The following KHDC1 variants were observed in gnomAD, a reference collection of about 807,000 sequenced individuals.
The protein encoded by KHDC1 is KH homology domain-containing protein 1.
A neutral mutation model predicts 24.7 loss-of-function variants in KHDC1; 21 were observed. The observed-to-expected ratio is 0.85, with a 90% CI of 0.60 to 1.23. KHDC1 has a LOEUF of 1.23. Ranked by LOEUF, KHDC1 falls within the 50% of genes most tolerant of loss-of-function variation. The pLI is 0.00. For synonymous variants in KHDC1, 98 were observed against 111.7 expected, an observed-to-expected ratio of 0.88 and a Z score of 0.77; for missense variants, 274 against 298.5, an observed-to-expected ratio of 0.92 and a Z score of 0.61.
chr6:73,298,952 G>A (rs747838605), intron 1 of KHDC1: 3 of 152,206 alleles, frequency 2.0e-5, no homozygotes, highest in Non-Finnish European at 4.4e-5. Context: ...GGAAGAGGAG[G>A]AGTGTGGGAT....
Position 73,277,856 on chromosome 6 carries a change from C to T in KHDC1, c.206+14142G>A, listed in dbSNP as rs1289653278. Among the ~76,000 whole-genome samples, 18 of 129,952 alleles carry T rather than the reference C, an allele frequency of 1.4e-4. No homozygotes were observed. In the East Asian group the frequency reaches 2.4e-3, roughly 18 times the overall value. 85.3% of individuals were successfully genotyped at this position (129,952 alleles called of 152,430 possible). On this transcript the variant is annotated intron_variant, in intron 2 of 4. Transcript: ENST00000370384. ...GTGCTATAGTCTGTATGATGGAGAT[C>T]GTGTCTCAAAAAAAAAAAAAAATCA...
intron 1 of KHDC1, among the ~76,000 whole-genome samples, chr6:73,308,445 G>T (rs543755580): frequency 6.6e-6 from 1 of 150,812 alleles, no homozygotes; most frequent in South Asian, 2.1e-4. Context: ...TCCTGACCTC[G>T]GGTGATCCAC....
intron 2 of KHDC1, among the ~76,000 whole-genome samples, chr6:73,280,092 A>G: frequency 6.6e-6 from 1 of 152,202 alleles, no homozygotes; most frequent in East Asian, 1.9e-4. Context: ...CACTTAATAG[A>G]AGAAATAATA....
chr6:73,289,333 CAAAAAAAAAAAAA>C (rs60179008), intron 2 of KHDC1, among the ~76,000 whole-genome samples: 4 of 62,636 alleles, frequency 6.4e-5, no homozygotes, highest in African/African-American at 2.3e-4. Flanking sequence ...GACTCCATCT[CAAAAAAAAAAAAA>C]AAAAAAAAAA....
At chr6:73,271,992 G>A (rs1767187677) in intron 2 of KHDC1, among the ~76,000 whole-genome samples, 1 of 148,576 alleles carries the variant, frequency 6.7e-6, no homozygotes, top group Non-Finnish European at 1.5e-5. Flanking sequence ...ACTCTTTATA[G>A]TGTAATCCCA....
intron 1 of KHDC1, among the ~76,000 whole-genome samples, chr6:73,295,268 T>C (rs1296817406): frequency 1.3e-5 from 2 of 152,196 alleles, no homozygotes; most frequent in Non-Finnish European, 2.9e-5. Flanking sequence ...GTAAGTTTCC[T>C]GAGGCCTCCC....
intron 2 of KHDC1, among the ~76,000 whole-genome samples, chr6:73,263,613 G>T (rs967043953): frequency 2.5e-4 from 2 of 8,092 alleles, no homozygotes; most frequent in Non-Finnish European, 1.2e-3. Context: ...TGTCGCGGTG[G>T]GGGGGGGGGT....
intron 2 of KHDC1, among the ~76,000 whole-genome samples, chr6:73,288,627 A>AG (rs1159258898): frequency 6.6e-6 from 1 of 152,012 alleles, no homozygotes; most frequent in Non-Finnish European, 1.5e-5. Flanking sequence ...TCTTAAAAAA[A>AG]AAGTTTTCTT....
At chr6:73,247,855 CAAAAAAAAA>C (rs60650206) in intron 2 of KHDC1, among the ~76,000 whole-genome samples, 3 of 89,588 alleles carry the variant, frequency 3.3e-5, no homozygotes, top group African/African-American at 8.0e-5. Context: ...GACTCTGTCT[CAAAAAAAAA>C]AAAAAAAAAA....
At chr6:73,273,108 C>T (rs186894487) in intron 2 of KHDC1, among the ~76,000 whole-genome samples, 4 of 151,492 alleles carry the variant, frequency 2.6e-5, no homozygotes, top group Admixed American at 2.6e-4. Context: ...ATCCGCCCAC[C>T]TCGGCCTCCC....
intron 2 of KHDC1, among the ~76,000 whole-genome samples, chr6:73,288,616 G>A (rs4706535): frequency 0.049 from 7,327 of 149,124 alleles, 428 homozygotes; most frequent in African/African-American, 0.14. Flanking sequence ...GTAAGACTTC[G>A]TCTTAAAAAA....
chr6:73,287,238 C>T (rs72949766), intron 2 of KHDC1, among the ~76,000 whole-genome samples: 1,809 of 152,134 alleles, frequency 0.012, 12 homozygotes, highest in Non-Finnish European at 0.02. Context: ...TAGGAGATGC[C>T]GTGATAAAAC....
rs374110823 is a variant in KHDC1, at chr6:73,242,210, A to G, written c.359T>C (p.Ile120Thr). The change falls in exon 4 of 5, where the codon ATT (isoleucine) becomes ACT (threonine). Residue 120 changes from isoleucine to threonine, a missense_variant. Ile to Thr is a moderately conservative substitution (Grantham distance 89, BLOSUM62 -1). Transcript: ENST00000370384. ...AATAAGGGTGTGGCTGTGCACCTCA[A>G]TGCAGCGAAGGTATGTGTCACCATG... is the stretch of plus-strand genomic sequence containing the variant. 5 of 1,613,848 alleles carry G rather than the reference A, an allele frequency of 3.1e-6. No individual in the cohort carries two copies. In the East Asian group the frequency reaches 8.9e-5, roughly 29 times the overall value.
At chr6:73,270,362 G>T (rs1284973812) in intron 2 of KHDC1, 1 of 152,012 alleles carries the variant, frequency 6.6e-6, no homozygotes, top group Non-Finnish European at 1.5e-5. Context: ...TTGTAGTTTA[G>T]GAATCATTTT....
In KHDC1 at chr6:73,242,492, C is replaced by A. The variant is rs749826107; in HGVS notation, c.245G>T (p.Ser82Ile). The change falls in exon 3 of 5, where the codon AGC (serine) becomes ATC (isoleucine). Residue 82 changes from serine to isoleucine, a missense_variant. Physicochemically the swap from Ser to Ile is moderately radical, Grantham distance 142 (BLOSUM62 -2). Transcript: ENST00000370384. ...AGGCAGGGTCCACCACGGCTTCTTG[C>A]TGAGAGCACTCGTTCCCATGTCCAT... 9 of 1,614,078 alleles carry A rather than the reference C, an allele frequency of 5.6e-6. No individual in the cohort carries two copies. In the African/African-American group the frequency reaches 1.2e-4, roughly 22 times the overall value.
chr6:73,306,801 G>A (rs1312206902), intron 1 of KHDC1, among the ~76,000 whole-genome samples: 1 of 151,652 alleles, frequency 6.6e-6, no homozygotes, highest in Non-Finnish European at 1.5e-5. Context: ...GAGGTCAAGA[G>A]ATCGAGACCA....
At chr6:73,258,001 T>A (rs1766911257) in intron 2 of KHDC1, among the ~76,000 whole-genome samples, 1 of 152,144 alleles carries the variant, frequency 6.6e-6, no homozygotes, top group East Asian at 1.9e-4. Context: ...ACGCCTATAA[T>A]CCCAGCACTT....
chr6:73,284,554 T>A (rs1290878193), intron 2 of KHDC1: 1 of 152,078 alleles, frequency 6.6e-6, no homozygotes, highest in East Asian at 1.9e-4. Context: ...ATTTTAGTAA[T>A]CTTAAACTCC....
chr6:73,242,526 C>A lies in KHDC1; in HGVS notation c.211G>T (p.Glu71Ter). The A allele has an allele frequency of 6.2e-7, 1 of 1,614,090 alleles. No homozygotes were observed. ...CTCGTTCCCATGTCCATGCTCTGCTCCGACCTGATACAGAATAGGGCCAAG... is the reference window on the plus strand; with the variant it reads ...CTCGTTCCCATGTCCATGCTCTGCTACGACCTGATACAGAATAGGGCCAAG... Residue 71 changes from glutamate (E) to a stop codon, truncating the protein, a stop_gained, in exon 3 of 5, where the codon GAG (glutamate) becomes TAG (stop). Coordinates refer to ENST00000370384, the Ensembl canonical transcript of KHDC1. LOFTEE classifies it high-confidence loss of function.
Sources: allele counts gnomAD v4.1 joint callset (sites outside exome capture counted in the v4.1 genomes callset), GRCh38; gene constraint gnomAD v4.1.1; transcripts MANE v1.5; gene names NCBI Gene and HGNC (gene_info 2026-07-23, HGNC 2026-07-21).